The following GSE1 variants were observed in gnomAD, a reference collection of about 807,000 sequenced individuals.
The protein encoded by GSE1 is genetic suppressor element 1.
In GSE1, 32 loss-of-function variants were observed where a neutral mutation model predicts 112.6. That is an observed-to-expected ratio of 0.28 (90% CI 0.21 to 0.38). The LOEUF (loss-of-function observed/expected upper bound fraction) is 0.38. Among genes scored for constraint, GSE1 ranks in the 10% least tolerant of loss-of-function variants. GSE1 has a pLI of 1.00. For missense variants in GSE1, 2,348 were observed against 1,699.2 expected, an observed-to-expected ratio of 1.38 and a Z score of -6.71; for synonymous variants, 1,115 against 735.6, an observed-to-expected ratio of 1.52 and a Z score of -8.35.
At chr16:85,509,031 G>A (rs1201568895) in intron 2 of GSE1, among the ~76,000 whole-genome samples, 1 of 152,188 alleles carries the variant, frequency 6.6e-6, no homozygotes, top group Non-Finnish European at 1.5e-5. Context: ...GCAGGGAGAG[G>A]GACTTGAACC....
chr16:85,589,190 G>T (rs1567620484), intron 1 of GSE1, among the ~76,000 whole-genome samples: 1 of 152,166 alleles, frequency 6.6e-6, no homozygotes, highest in Non-Finnish European at 1.5e-5. Context: ...AGGAACGTTG[G>T]TGACCACTCT....
At chr16:85,244,522 G>C (rs575904670) in intron 1 of GSE1, among the ~76,000 whole-genome samples, 1 of 152,160 alleles carries the variant, frequency 6.6e-6, no homozygotes, top group Non-Finnish European at 1.5e-5. Context: ...GGTATCATTT[G>C]TTACAACAGC....
intron 1 of GSE1, among the ~76,000 whole-genome samples, chr16:85,578,332 C>T (rs574200324): frequency 3.3e-5 from 5 of 152,176 alleles, no homozygotes; most frequent in Non-Finnish European, 7.3e-5. Flanking sequence ...CTGTCCCGAA[C>T]GCCAGGCTCC....
intron 2 of GSE1, among the ~76,000 whole-genome samples, chr16:85,435,627 G>A (rs1251431756): frequency 6.6e-6 from 1 of 152,138 alleles, no homozygotes; most frequent in African/African-American, 2.4e-5. Context: ...TTTGAGGGGG[G>A]ATCTGGGCTT....
intron 1 of GSE1, among the ~76,000 whole-genome samples, chr16:85,312,738 G>A (rs866932108): frequency 1.1e-4 from 17 of 151,980 alleles, no homozygotes; most frequent in African/African-American, 2.7e-4. Flanking sequence ...AGGAGGAGGC[G>A]GACGAGGAGG....
Position 85,665,959 on chromosome 16 carries a change from CACTTT to C in GSE1, c.2759-16_2759-12del, listed in dbSNP as rs753300540. 5 of 1,611,842 alleles carry C rather than the reference CACTTT, an allele frequency of 3.1e-6. No individual in the cohort carries two copies. Among genetic ancestry groups the C allele is most frequent in the Non-Finnish European group, 4.2e-6 (5 of 1,178,874 alleles). Reference sequence around the variant, plus strand: ...ACTTGCATTTCTTAATATTTTCCTTCACTTTGTCTCTAAAAGAACCAGCCACGCAG... The same window carrying C: ...ACTTGCATTTCTTAATATTTTCCTTCGTCTCTAAAAGAACCAGCCACGCAG... On this transcript the variant is annotated splice_polypyrimidine_tract_variant and intron_variant, in intron 12 of 15. Coordinates refer to ENST00000253458, the MANE Select transcript of GSE1 (RefSeq NM_014615.5).
chr16:85,484,590 G>C (rs1309764891), intron 2 of GSE1, among the ~76,000 whole-genome samples: 3 of 152,220 alleles, frequency 2.0e-5, no homozygotes, highest in South Asian at 2.1e-4. Flanking sequence ...AGGCCCATTG[G>C]AACAGATTTT....
chr16:85,445,680 C>T (rs748282974), intron 2 of GSE1, among the ~76,000 whole-genome samples: 38 of 152,128 alleles, frequency 2.5e-4, no homozygotes, highest in Non-Finnish European at 5.1e-4. Flanking sequence ...GCTTCCCTTG[C>T]AAGGCCTGGC....
At chr16:85,506,889 C>T (rs1016375632) in intron 2 of GSE1, among the ~76,000 whole-genome samples, 15 of 152,286 alleles carry the variant, frequency 9.8e-5, no homozygotes, top group African/African-American at 3.6e-4. Flanking sequence ...ATCGCTCAGC[C>T]ACCCTCCCCT....
At chr16:85,627,979 C>T (rs758868960) in intron 1 of GSE1, among the ~76,000 whole-genome samples, 4 of 152,068 alleles carry the variant, frequency 2.6e-5, no homozygotes, top group Non-Finnish European at 5.9e-5. Context: ...CTGGGGGCTT[C>T]GTGCCGAGGC....
chr16:85,464,349 G>T (rs994937527), intron 2 of GSE1, among the ~76,000 whole-genome samples: 1 of 152,134 alleles, frequency 6.6e-6, no homozygotes, highest in African/African-American at 2.4e-5. Context: ...CCGGGGTGGG[G>T]GGCAGCCGCT....
At chr16:85,556,375 G>C (rs1282744754) in intron 1 of GSE1, 2 of 983,472 alleles carry the variant, frequency 2.0e-6, no homozygotes, top group Non-Finnish European at 1.2e-6. Flanking sequence ...TAAGCGAGCC[G>C]TGCGCCTCCC....
chr16:85,258,814 C>A (rs1362638421), intron 1 of GSE1, among the ~76,000 whole-genome samples: 2 of 152,212 alleles, frequency 1.3e-5, no homozygotes, highest in Non-Finnish European at 2.9e-5. Context: ...TTAGCCTCTG[C>A]CCCTTGTGGT....
intron 2 of GSE1, among the ~76,000 whole-genome samples, chr16:85,519,873 A>T (rs1478037279): frequency 6.6e-6 from 1 of 152,166 alleles, no homozygotes; most frequent in African/African-American, 2.4e-5. Context: ...GTGCTCTGGG[A>T]TTCTAGAAAG....
intron 2 of GSE1, among the ~76,000 whole-genome samples, chr16:85,416,118 A>G (rs979272662): frequency 1.3e-5 from 2 of 152,206 alleles, no homozygotes; most frequent in Non-Finnish European, 2.9e-5. Context: ...TGGTGCAGCC[A>G]TAAGTCAAAC....
intron 1 of GSE1, among the ~76,000 whole-genome samples, chr16:85,175,598 C>T (rs544663787): frequency 2.0e-5 from 3 of 152,326 alleles, no homozygotes; most frequent in East Asian, 3.9e-4. Flanking sequence ...GCTGGCGCGA[C>T]GCTGGGTTTC....
chr16:85,538,267 G>C (rs912913913), intron 2 of GSE1, among the ~76,000 whole-genome samples: 6 of 152,250 alleles, frequency 3.9e-5, no homozygotes, highest in Admixed American at 1.3e-4. Context: ...TTTCAGCCAG[G>C]ACTGCTGAGC....
Position 85,657,460 on chromosome 16 carries a change from CGCGGCA to C in GSE1, c.1502_1507del (p.Gln501_Arg502del). The stretch of plus-strand genomic sequence containing the variant: ...ACCAATGAGGAGGAGAAGTGGCTGG[CGCGGCA>C]GCGGCGGCTGCGGCAGGAGAAGGAG... On this transcript the variant is annotated inframe_deletion, in exon 8 of 16. Transcript: ENST00000253458. 6.2e-7 allele frequency: 1 copy of C among 1,609,308 alleles called. No homozygotes were observed. The highest frequency in any genetic ancestry group is 8.5e-7 in the Non-Finnish European group (1 of 1,178,668).
intron 1 of GSE1, among the ~76,000 whole-genome samples, chr16:85,191,298 A>T (rs538244232): frequency 6.6e-6 from 1 of 152,224 alleles, no homozygotes; most frequent in Non-Finnish European, 1.5e-5. Context: ...ACAAATGTAT[A>T]TATATAAAAT....
Sources: gnomAD v4.1 joint callset for allele counts (sites outside exome capture counted in the v4.1 genomes callset) on GRCh38, gnomAD v4.1.1 for gene constraint, MANE v1.5 for transcripts, NCBI Gene and HGNC (gene_info 2026-07-23, HGNC 2026-07-21) for gene names.